ROBO1: variants seen among roughly 807,000 people sequenced by gnomAD.
The protein encoded by ROBO1 is roundabout guidance receptor 1.
ROBO1 carries 149 observed loss-of-function variants against 195.9 expected under a neutral mutation model. That is an observed-to-expected ratio of 0.76 (90% confidence interval 0.67 to 0.87). The LOEUF (loss-of-function observed/expected upper bound fraction) is 0.87, where lower values mean the gene tolerates loss of function less well. ROBO1 is among the 40% of genes least tolerant of loss of function. The probability of loss-of-function intolerance (pLI) is 0.00; values close to 1 mark genes in which losing one functional copy is unlikely to be tolerated. For missense variants in ROBO1, 1,933 were observed against 2,068.3 expected (o/e 0.93, Z 1.27); for synonymous variants, 816 against 733.2 (o/e 1.11, Z -1.82).
chr3:79,481,275 T>C (rs1407786755), intron 2 of ROBO1, among the ~76,000 whole-genome samples: 2 of 152,128 alleles, frequency 1.3e-5, no homozygotes, highest in Non-Finnish European at 2.9e-5. Context: ...AAGATATTAG[T>C]AGAATGGAGC....
chr3:78,600,655 T>C (rs1703119616), intron 29 of ROBO1, among the ~76,000 whole-genome samples: 1 of 152,164 alleles, frequency 6.6e-6, no homozygotes, highest in Non-Finnish European at 1.5e-5. Context: ...TCTCAGATTA[T>C]TTTAGGCTTT....
At chr3:79,519,490 G>A (rs1243685460) in intron 2 of ROBO1, among the ~76,000 whole-genome samples, 8 of 151,594 alleles carry the variant, frequency 5.3e-5, no homozygotes, top group East Asian at 1.9e-4. Flanking sequence ...TTAGCCGGGC[G>A]TGGTGGCGGG....
intron 2 of ROBO1, among the ~76,000 whole-genome samples, chr3:79,364,243 T>TATATATATAC (rs2035880551): frequency 1.4e-5 from 2 of 147,106 alleles, no homozygotes; most frequent in Admixed American, 6.8e-5. Context: ...TGTGTATATA[T>TATATATATAC]ATATATATAC....
chr3:79,330,475 A>C (rs1171681213), intron 2 of ROBO1, among the ~76,000 whole-genome samples: 1 of 151,356 alleles, frequency 6.6e-6, no homozygotes, highest in East Asian at 1.9e-4. Context: ...GCAAAAGAAG[A>C]ATACTATTTT....
chr3:78,848,167 A>G (rs1457316364), intron 4 of ROBO1, among the ~76,000 whole-genome samples: 1 of 152,186 alleles, frequency 6.6e-6, no homozygotes, highest in Non-Finnish European at 1.5e-5. Flanking sequence ...AAACTGGCCT[A>G]TTAGCTATCT....
chr3:79,473,441 GT>G (rs148324330), intron 2 of ROBO1, among the ~76,000 whole-genome samples: 1 of 152,004 alleles, frequency 6.6e-6, no homozygotes, highest in African/African-American at 2.4e-5. Context: ...AATCATATTT[GT>G]TTTTTTGTTA....
intron 4 of ROBO1, among the ~76,000 whole-genome samples, chr3:78,931,640 C>A (rs564197977): frequency 6.6e-6 from 1 of 152,240 alleles, no homozygotes; most frequent in South Asian, 2.1e-4. Flanking sequence ...TCTAACCTGA[C>A]AAATCTATGG....
chr3:79,238,175 A>G (rs1453151542), intron 2 of ROBO1, among the ~76,000 whole-genome samples: 1 of 152,206 alleles, frequency 6.6e-6, no homozygotes, highest in Non-Finnish European at 1.5e-5. Flanking sequence ...TACATTTTCA[A>G]TTCCTTTTGA....
At chr3:79,160,508 A>G (rs995338012) in intron 2 of ROBO1, among the ~76,000 whole-genome samples, 4 of 152,030 alleles carry the variant, frequency 2.6e-5, no homozygotes, top group African/African-American at 9.7e-5. Flanking sequence ...TGTAGGTTCT[A>G]TCAACATTTC....
At chr3:79,022,960 C>T (rs773981715) in intron 3 of ROBO1, among the ~76,000 whole-genome samples, 9 of 152,184 alleles carry the variant, frequency 5.9e-5, no homozygotes, top group Non-Finnish European at 1.3e-4. Context: ...GCCACAGGAA[C>T]TCTGGAAATA....
chr3:79,570,120 T>C (rs1943231111), intron 2 of ROBO1, among the ~76,000 whole-genome samples: 1 of 151,618 alleles, frequency 6.6e-6, no homozygotes, highest in Non-Finnish European at 1.5e-5. Flanking sequence ...AAAAAAACAA[T>C]AAAAGCATCC....
rs878931185 is a variant in ROBO1, at chr3:79,362,064, A to T, written c.88+227760T>A. On this transcript the variant is annotated intron_variant, in intron 2 of 30. Coordinates refer to ENST00000464233, the MANE Select transcript of ROBO1 (RefSeq NM_002941.4). ...ACATACGGTAGATATGAATTTTAGGATGTATGTTGACTTCGTATAATAATG... is the reference window on the plus strand; with the variant it reads ...ACATACGGTAGATATGAATTTTAGGTTGTATGTTGACTTCGTATAATAATG... Among the ~76,000 whole-genome samples the T allele has an allele frequency of 2.6e-5, 4 of 152,036 alleles. 1 individual carries two copies. The highest frequency in any genetic ancestry group is 2.6e-4 in the Admixed American group (4 of 15,264).
intron 4 of ROBO1, among the ~76,000 whole-genome samples, chr3:78,817,223 C>A (rs73117115): frequency 0.26 from 40,257 of 151,940 alleles, 5,515 homozygotes; most frequent in Non-Finnish European, 0.28. Flanking sequence ...GCAATCACCA[C>A]CCTGATCAGT....
chr3:78,601,524 CTCTG>C (rs1429677802), intron 29 of ROBO1, among the ~76,000 whole-genome samples: 6 of 152,166 alleles, frequency 3.9e-5, no homozygotes, highest in African/African-American at 1.4e-4. Flanking sequence ...GACCATCATC[CTCTG>C]TCTCTGTTTC....
At chr3:79,720,879 G>C (rs999137679) in intron 1 of ROBO1, among the ~76,000 whole-genome samples, 1 of 149,370 alleles carries the variant, frequency 6.7e-6, no homozygotes, top group African/African-American at 2.5e-5. Flanking sequence ...TGCAAGCTCC[G>C]CCTCCCAGGT....
chr3:79,316,960 CTG>C (rs2033763645), intron 2 of ROBO1, among the ~76,000 whole-genome samples: 1 of 152,156 alleles, frequency 6.6e-6, no homozygotes, highest in Non-Finnish European at 1.5e-5. Context: ...TAGTCACACA[CTG>C]TCATTGCATG....
rs150803383 is a variant in ROBO1 at position 78,701,767 on chromosome 3, C to T, written c.1045+12630G>A. Among the ~76,000 whole-genome samples, 181 of 152,270 alleles carry T rather than the reference C, an allele frequency of 1.2e-3. 2 individuals are homozygous for T. In the East Asian group the frequency reaches 0.029, roughly 25 times the overall value. On this transcript the variant is annotated intron_variant, in intron 8 of 30. Coordinates refer to ENST00000464233, the MANE Select transcript of ROBO1 (RefSeq NM_002941.4). ...TTAGTTGTGCAATGCTCTAAATCCT[C>T]TCCTAATAACATCGACCACACAAAA...
intron 2 of ROBO1, among the ~76,000 whole-genome samples, chr3:79,294,259 C>A (rs1559797130): frequency 6.6e-6 from 1 of 151,818 alleles, no homozygotes; most frequent in Non-Finnish European, 1.5e-5. Context: ...ATATATAGTC[C>A]AATGGAACAG....
chr3:78,854,352 T>G (rs1335831915), intron 4 of ROBO1, among the ~76,000 whole-genome samples: 1 of 148,386 alleles, frequency 6.7e-6, no homozygotes, highest in Non-Finnish European at 1.5e-5. Flanking sequence ...ATATAATATG[T>G]TGTATATAAA....
Sources: gnomAD v4.1 joint callset for allele counts (sites outside exome capture counted in the v4.1 genomes callset) on GRCh38, gnomAD v4.1.1 for gene constraint, MANE v1.5 for transcripts, NCBI Gene and HGNC (gene_info 2026-07-23, HGNC 2026-07-21) for gene names.